The following TOGARAM1 variants were observed in gnomAD, a reference collection of about 807,000 sequenced individuals.
TOGARAM1 encodes the protein TOG array regulator of axonemal microtubules 1, also known as TOG array regulator of axonemal microtubules protein 1.
In TOGARAM1, 100 loss-of-function variants were observed where a neutral mutation model predicts 166.6. The observed-to-expected ratio is 0.60, with a 90% CI of 0.51 to 0.71. TOGARAM1 has a LOEUF of 0.71. TOGARAM1 is among the 30% of genes least tolerant of loss of function. The pLI, the probability that TOGARAM1 is intolerant of heterozygous loss-of-function variation, is 0.00. For missense variants in TOGARAM1, 2,029 were observed against 2,102.7 expected (o/e 0.96, Z 0.69); for synonymous variants, 758 against 763.8 (o/e 0.99, Z 0.13).
chr14:45,047,007 A>G (rs1345037680), intron 14 of TOGARAM1, among the ~76,000 whole-genome samples: 2 of 152,222 alleles, frequency 1.3e-5, no homozygotes, highest in Non-Finnish European at 2.9e-5. Context: ...GAAGAACTTC[A>G]TTATGGGCAA....
At chr14:44,978,162 T>TA (rs1738208620) in intron 1 of TOGARAM1, 1 of 152,214 alleles carries the variant, frequency 6.6e-6, no homozygotes, top group African/African-American at 2.4e-5. Flanking sequence ...AGGGCACTGA[T>TA]AAAAGTAGTT....
chr14:45,008,187 T>C (rs900540787), intron 5 of TOGARAM1: 9 of 152,200 alleles, frequency 5.9e-5, no homozygotes, highest in African/African-American at 2.2e-4. Flanking sequence ...TGTTCAAAGT[T>C]TTGTTGCTAG....
At chr14:44,994,422 G>A (rs2138805114) in intron 1 of TOGARAM1, among the ~76,000 whole-genome samples, 1 of 151,730 alleles carries the variant, frequency 6.6e-6, no homozygotes, top group East Asian at 2.0e-4. Flanking sequence ...CCCAGCTGAG[G>A]GCATTCTTTT....
At chr14:44,986,947 G>T (rs1314158645) in intron 1 of TOGARAM1, among the ~76,000 whole-genome samples, 1 of 150,116 alleles carries the variant, frequency 6.7e-6, no homozygotes, top group African/African-American at 2.5e-5. Context: ...CGAGCTTGCA[G>T]TGAACCGAGA....
intron 7 of TOGARAM1, among the ~76,000 whole-genome samples, chr14:45,020,183 C>G (rs913771043): frequency 2.6e-5 from 4 of 152,170 alleles, no homozygotes; most frequent in African/African-American, 9.7e-5. Flanking sequence ...GCTGAGGAGG[C>G]CCCAGGGTCT....
chr14:44,995,734 C>G lies in TOGARAM1; in HGVS notation c.2047-12C>G. On this transcript the variant is annotated splice_polypyrimidine_tract_variant and intron_variant, in intron 1 of 19. Transcript: ENST00000361462. ...AACACAAATTTGCTAATTTATGATT[C>G]TGTTCTTATAGTTTTCAACATATGA... 1 of 1,525,756 alleles carries G rather than the reference C, an allele frequency of 6.6e-7. No homozygotes were observed. The highest frequency in any genetic ancestry group is 2.3e-5 in the East Asian group (1 of 43,872). The allele number at this position is 1,525,756 out of a possible 1,614,324, so 94.5% of individuals were successfully genotyped here.
At chr14:45,044,585 G>T in intron 12 of TOGARAM1, 50 bp from the exon 13 acceptor site, 1 of 1,285,596 alleles carries the variant, frequency 7.8e-7, no homozygotes, top group Non-Finnish European at 1.1e-6. Context: ...TATTATTAGT[G>T]ATTTTCTTGC....
rs184206110 is a variant in TOGARAM1, at chr14:45,043,520, C to T, written c.3813-166C>T. Among the ~76,000 whole-genome samples, 170 of 152,240 alleles carry T rather than the reference C, an allele frequency of 1.1e-3. 1 individual carries two copies. The highest frequency in any genetic ancestry group is 3.4e-3 in the Middle Eastern group (1 of 294). ...ATGGAGATGGCTTCTTTCCCTCAAC[C>T]TCATGAACCAACCTCTGCTAAACTC... On this transcript the variant is annotated intron_variant, in intron 11 of 19. Coordinates refer to ENST00000361462, the MANE Select transcript of TOGARAM1 (RefSeq NM_001308120.2).
chr14:44,988,191 A>C (rs1442474258), intron 1 of TOGARAM1, among the ~76,000 whole-genome samples: 1 of 152,046 alleles, frequency 6.6e-6, no homozygotes, highest in Admixed American at 6.6e-5. Context: ...CCAACATGGC[A>C]CATGTATACA....
rs1423837575 is a variant in TOGARAM1 at position 45,044,801 on chromosome 14, C to G, written c.4085C>G (p.Ala1362Gly). The G allele has an allele frequency of 6.2e-7, 1 of 1,613,898 alleles. No individual in the cohort carries two copies. Among genetic ancestry groups the G allele is most frequent in the African/African-American group, 1.3e-5 (1 of 74,902 alleles). ...NTFIREDVDK[A>G]LRAMVNNVTP... ...TTTATAAGAGAAGATGTTGACAAAGCATTGAGAGCTATGGTTAATAATGTA... is the reference window on the plus strand; with the variant it reads ...TTTATAAGAGAAGATGTTGACAAAGGATTGAGAGCTATGGTTAATAATGTA... Residue 1362 changes from alanine to glycine, a missense_variant, in exon 13 of 20, where the codon GCA becomes GGA. This residue lies in a region of TOGARAM1 where 576 missense variants were observed against 670.5 expected (regional missense o/e 0.86). Transcript: ENST00000361462.
At chr14:44,990,817 T>A (rs945187313) in intron 1 of TOGARAM1, among the ~76,000 whole-genome samples, 3 of 152,044 alleles carry the variant, frequency 2.0e-5, no homozygotes, top group African/African-American at 7.3e-5. Context: ...ACACTTTGGG[T>A]TTTTTTCTTT....
At chr14:44,985,109 G>A (rs1044661661) in intron 1 of TOGARAM1, among the ~76,000 whole-genome samples, 14 of 152,024 alleles carry the variant, frequency 9.2e-5, no homozygotes, top group Non-Finnish European at 4.4e-5. Flanking sequence ...TGCCTCCCAG[G>A]TTCAAGTGAT....
rs534465853 is a variant in TOGARAM1 at position 45,047,391 on chromosome 14, C to CAA, written c.4313+701_4313+702dup. Among the ~76,000 whole-genome samples, 262 of 85,596 alleles carry CAA rather than the reference C, an allele frequency of 3.1e-3. 2 individuals are homozygous for CAA. Among genetic ancestry groups the CAA allele is most frequent in the African/African-American group, 9.7e-3 (225 of 23,086 alleles). The allele number at this position is 85,596 out of a possible 152,430, so 56.2% of individuals were successfully genotyped here. ...TGGGTGACAGAGCGAGACTCTGTCT[C>CAA]AAAAAAAAAAAAAAGAAAGAAAAAT... is the stretch of plus-strand genomic sequence containing the variant. On this transcript the variant is annotated intron_variant, in intron 14 of 19. Coordinates refer to ENST00000361462, the MANE Select transcript of TOGARAM1 (RefSeq NM_001308120.2).
At chr14:44,978,661 G>C (rs2138749280) in intron 1 of TOGARAM1, among the ~76,000 whole-genome samples, 1 of 152,216 alleles carries the variant, frequency 6.6e-6, no homozygotes, top group South Asian at 2.1e-4. Flanking sequence ...AGCCAGGCAT[G>C]GTGGCACATG....
At chr14:45,072,423 C>A (rs990562965) in intron 19 of TOGARAM1, among the ~76,000 whole-genome samples, 4 of 143,838 alleles carry the variant, frequency 2.8e-5, no homozygotes, top group Non-Finnish European at 6.1e-5. Context: ...GTCTCTGGAA[C>A]TTTTTTTTTT....
intron 16 of TOGARAM1, among the ~76,000 whole-genome samples, chr14:45,065,987 C>A (rs1008338689): frequency 6.6e-6 from 1 of 152,194 alleles, no homozygotes; most frequent in African/African-American, 2.4e-5. Context: ...AGGATTCCCA[C>A]TATGCCCTAA....
intron 1 of TOGARAM1, among the ~76,000 whole-genome samples, chr14:44,976,081 T>C (rs1264174458): frequency 6.6e-6 from 1 of 152,166 alleles, no homozygotes; most frequent in East Asian, 1.9e-4. Context: ...AGAATGAATC[T>C]GATCTTGTAA....
intron 9 of TOGARAM1, among the ~76,000 whole-genome samples, chr14:45,027,918 AG>A (rs1279915435): frequency 6.6e-6 from 1 of 152,092 alleles, no homozygotes; most frequent in Non-Finnish European, 1.5e-5. Flanking sequence ...ATTTAAATAT[AG>A]ATTATTCGTC....
chr14:45,044,505 C>A lies in TOGARAM1; in HGVS notation c.3919-130C>A, dbSNP rs1360910864. On this transcript the variant is annotated intron_variant, in intron 12 of 19. Coordinates refer to ENST00000361462, the MANE Select transcript of TOGARAM1 (RefSeq NM_001308120.2). Reference sequence around the variant, plus strand: ...ACAGTGAGCCGAAATCATGCTACTGCACTCCAGCCTGGTCGACAGAGCGAG... The same window carrying A: ...ACAGTGAGCCGAAATCATGCTACTGAACTCCAGCCTGGTCGACAGAGCGAG... 4.6e-6 allele frequency: 3 copies of A among 649,092 alleles called. No individual in the cohort carries two copies. The East Asian group carries it at 8.3e-5, about 18-fold the overall frequency. The allele number at this position is 649,092 out of a possible 1,614,324, so 40.2% of individuals were successfully genotyped here.
Sources: allele counts gnomAD v4.1 joint callset (sites outside exome capture counted in the v4.1 genomes callset), GRCh38; gene constraint gnomAD v4.1.1; regional missense constraint gnomAD v4.1.1; transcripts MANE v1.5; gene names NCBI Gene and HGNC (gene_info 2026-07-23, HGNC 2026-07-21).